The following FGF14 variants were observed in gnomAD, a reference collection of about 807,000 sequenced individuals.
FGF14 encodes fibroblast growth factor 14, also known as fibroblast growth factor homologous factor 4.
FGF14 carries 5 observed loss-of-function variants against 25.5 expected under a neutral mutation model. That is an observed-to-expected ratio of 0.20 (90% CI 0.10 to 0.41). FGF14 has a LOEUF of 0.41. Among genes scored for constraint, FGF14 ranks in the 10% least tolerant of loss-of-function variants. The pLI is 1.00. For synonymous variants in FGF14, 138 were observed against 118.3 expected (o/e 1.17, Z -1.08); for missense variants, 222 against 320.1 (o/e 0.69, Z 2.34).
At chr13:101,913,364 C>T (rs543194398) in intron 1 of FGF14, among the ~76,000 whole-genome samples, 1 of 152,206 alleles carries the variant, frequency 6.6e-6, no homozygotes, top group South Asian at 2.1e-4. Context: ...AAATTTCTGT[C>T]CTTCACAAGA....
At chr13:101,844,429 G>A (rs2043344862) in intron 3 of FGF14, among the ~76,000 whole-genome samples, 1 of 152,018 alleles carries the variant, frequency 6.6e-6, no homozygotes, top group African/African-American at 2.4e-5. Flanking sequence ...GGCTAATGAA[G>A]AACATATATT....
chr13:101,777,635 T>C (rs953423036), intron 3 of FGF14, among the ~76,000 whole-genome samples: 4 of 152,170 alleles, frequency 2.6e-5, no homozygotes, highest in Non-Finnish European at 4.4e-5. Flanking sequence ...AATTATCTGC[T>C]ATGTGCAGGA....
intron 3 of FGF14, among the ~76,000 whole-genome samples, chr13:101,754,031 CCGCGTGCCTG>C (rs1266768691): frequency 6.6e-6 from 1 of 152,104 alleles, no homozygotes; most frequent in East Asian, 1.9e-4. Flanking sequence ...CCACGTATGC[CCGCGTGCCTG>C]GAATAGCCAT....
chr13:102,148,358 TTTC>T (rs1404499202), intron 1 of FGF14, among the ~76,000 whole-genome samples: 1 of 152,212 alleles, frequency 6.6e-6, no homozygotes, highest in Non-Finnish European at 1.5e-5. Flanking sequence ...AAAATGATAC[TTTC>T]TTACTATATA....
At chr13:102,154,583 C>T (rs1480024501) in intron 1 of FGF14, among the ~76,000 whole-genome samples, 6 of 152,082 alleles carry the variant, frequency 3.9e-5, no homozygotes, top group South Asian at 4.2e-4. Flanking sequence ...TAAAGATCAT[C>T]GAGGCTAGGA....
chr13:101,730,257 C>T (rs1240823223), intron 3 of FGF14, among the ~76,000 whole-genome samples: 1 of 152,168 alleles, frequency 6.6e-6, no homozygotes, highest in East Asian at 1.9e-4. Context: ...ATGTTTTCAA[C>T]CCTAATCTCT....
chr13:101,943,246 T>A (rs371315347), intron 1 of FGF14, among the ~76,000 whole-genome samples: 2 of 152,216 alleles, frequency 1.3e-5, no homozygotes, highest in East Asian at 3.8e-4. Context: ...ACTCTCAGTA[T>A]AATACTCTCC....
At chr13:101,964,445 A>C (rs890549743) in intron 1 of FGF14, among the ~76,000 whole-genome samples, 2 of 152,228 alleles carry the variant, frequency 1.3e-5, no homozygotes, top group African/African-American at 4.8e-5. Context: ...TATCCAGCCC[A>C]TGAAGAACAG....
intron 1 of FGF14, among the ~76,000 whole-genome samples, chr13:102,385,050 A>T (rs77210928): frequency 0.016 from 2,455 of 152,306 alleles, 73 homozygotes; most frequent in African/African-American, 0.056. Context: ...GTCTAACCAC[A>T]TACAATAGAA....
At chr13:101,792,316 A>G (rs2040285044) in intron 3 of FGF14, among the ~76,000 whole-genome samples, 1 of 152,144 alleles carries the variant, frequency 6.6e-6, no homozygotes, top group Non-Finnish European at 1.5e-5. Context: ...TTGCTGAAAC[A>G]ACAGGAAATA....
chr13:101,924,680 CT>C (rs1477668007), intron 1 of FGF14, among the ~76,000 whole-genome samples: 1 of 152,058 alleles, frequency 6.6e-6, no homozygotes, highest in Non-Finnish European at 1.5e-5. Flanking sequence ...ATGTGAAAAG[CT>C]TTTAGTTCTA....
chr13:102,042,340 C>A (rs2041782427), intron 1 of FGF14, among the ~76,000 whole-genome samples: 2 of 152,178 alleles, frequency 1.3e-5, no homozygotes, highest in African/African-American at 2.4e-5. Flanking sequence ...ATCTACTCAG[C>A]TGTTTCTCAC....
intron 3 of FGF14, among the ~76,000 whole-genome samples, chr13:101,806,770 A>G (rs1200056471): frequency 6.6e-6 from 1 of 152,232 alleles, no homozygotes; most frequent in Non-Finnish European, 1.5e-5. Context: ...CATTAACAGT[A>G]TTATTAATAG....
intron 1 of FGF14, among the ~76,000 whole-genome samples, chr13:102,184,940 G>T (rs79193721): frequency 6.6e-6 from 1 of 152,040 alleles, no homozygotes; most frequent in Admixed American, 6.6e-5. Flanking sequence ...TTCAATATTA[G>T]GTACATGCTT....
chr13:101,985,068 G>A (rs1047553931), intron 1 of FGF14, among the ~76,000 whole-genome samples: 3 of 126,544 alleles, frequency 2.4e-5, no homozygotes, highest in African/African-American at 1.1e-4. Context: ...TGAATTCAAG[G>A]GTTTTTTTTT....
intron 3 of FGF14, among the ~76,000 whole-genome samples, chr13:101,789,818 CTTT>C (rs891822609): frequency 1.6e-5 from 2 of 125,174 alleles, no homozygotes; most frequent in African/African-American, 5.5e-5. Context: ...TTAATAAGGA[CTTT>C]TTATTAAAAA....
At chr13:101,735,594 T>G (rs1159944242) in intron 3 of FGF14, among the ~76,000 whole-genome samples, 1 of 151,064 alleles carries the variant, frequency 6.6e-6, no homozygotes, top group African/African-American at 2.4e-5. Flanking sequence ...CTTTTCCCCC[T>G]CACTGATCAA....
At chr13:101,941,665 C>T (rs1458679450) in intron 1 of FGF14, among the ~76,000 whole-genome samples, 1 of 152,160 alleles carries the variant, frequency 6.6e-6, no homozygotes. Flanking sequence ...TTTTGTCCAA[C>T]TGTCTAGTTA....
chr13:102,322,190 T>G (rs952573719), intron 1 of FGF14, among the ~76,000 whole-genome samples: 2 of 152,232 alleles, frequency 1.3e-5, no homozygotes, highest in African/African-American at 2.4e-5. Flanking sequence ...CATGCTAAGA[T>G]GTACAGGGTA....
Sources: allele counts gnomAD v4.1 joint callset (sites outside exome capture counted in the v4.1 genomes callset), GRCh38; gene constraint gnomAD v4.1.1; transcripts MANE v1.5; gene names NCBI Gene and HGNC (gene_info 2026-07-23, HGNC 2026-07-21).